RAPGEF2: variants seen among roughly 807,000 people sequenced by gnomAD.
The protein encoded by RAPGEF2 is PDZ domain containing guanine nucleotide exchange factor (GEF) 1.
Under a neutral mutation model 186.7 loss-of-function variants are expected in RAPGEF2, and 54 were observed. That is an observed-to-expected ratio of 0.29 (90% confidence interval 0.23 to 0.36). RAPGEF2 has a LOEUF of 0.36. RAPGEF2 is among the 10% of genes least tolerant of loss of function. The pLI is 1.00. For synonymous variants in RAPGEF2, 712 were observed against 705.9 expected (o/e 1.01, Z -0.14); for missense variants, 1,532 against 2,045.0 (o/e 0.75, Z 4.84).
intron 2 of RAPGEF2, among the ~76,000 whole-genome samples, chr4:159,188,070 A>G (rs575688165): frequency 3.3e-5 from 5 of 151,044 alleles, no homozygotes; most frequent in African/African-American, 1.2e-4. Flanking sequence ...ATTTTAGAAG[A>G]TGGCTCAAAT....
chr4:159,220,770 C>T (rs532674626), intron 4 of RAPGEF2, among the ~76,000 whole-genome samples: 1 of 152,280 alleles, frequency 6.6e-6, no homozygotes, highest in Non-Finnish European at 1.5e-5. Flanking sequence ...CTCTATTATT[C>T]ATCTTTGCTT....
chr4:159,238,145 A>G (rs1034787111), intron 4 of RAPGEF2, among the ~76,000 whole-genome samples: 2 of 152,230 alleles, frequency 1.3e-5, no homozygotes, highest in Admixed American at 1.3e-4. Context: ...GTCAGAAACA[A>G]TACATCTTCA....
At chr4:159,184,700 T>C (rs1463493093) in intron 1 of RAPGEF2, among the ~76,000 whole-genome samples, 3 of 152,214 alleles carry the variant, frequency 2.0e-5, no homozygotes, top group South Asian at 4.1e-4. Flanking sequence ...GTTGCCTATT[T>C]ACTCTGATGG....
intron 1 of RAPGEF2, among the ~76,000 whole-genome samples, chr4:159,177,163 A>G (rs1401588384): frequency 6.6e-6 from 1 of 152,096 alleles, no homozygotes; most frequent in African/African-American, 2.4e-5. Flanking sequence ...ATCTGGATTT[A>G]TAAAACAGAC....
chr4:159,132,101 T>A (rs1319886866), intron 1 of RAPGEF2, among the ~76,000 whole-genome samples: 1 of 152,226 alleles, frequency 6.6e-6, no homozygotes, highest in African/African-American at 2.4e-5. Context: ...AACTTTGTTA[T>A]TGGACCACAC....
chr4:159,216,311 T>C (rs1380840472), intron 4 of RAPGEF2, among the ~76,000 whole-genome samples: 1 of 152,126 alleles, frequency 6.6e-6, no homozygotes, highest in Non-Finnish European at 1.5e-5. Context: ...AGTTGTACGG[T>C]GTAAATTGAC....
chr4:159,134,823 C>A (rs529167703), intron 1 of RAPGEF2, among the ~76,000 whole-genome samples: 4 of 152,204 alleles, frequency 2.6e-5, no homozygotes, highest in Non-Finnish European at 1.5e-5. Context: ...AACTTTAGGA[C>A]ATTTTATCAA....
At chr4:159,123,684 A>G (rs1180977839) in intron 1 of RAPGEF2, among the ~76,000 whole-genome samples, 1 of 151,088 alleles carries the variant, frequency 6.6e-6, no homozygotes, top group Non-Finnish European at 1.5e-5. Context: ...GCGCCCGGCT[A>G]ATTTTTTGTG....
rs777726022 is a variant in RAPGEF2, at chr4:159,106,150, A to C, written c.69+1919A>C. ...GGGCCAGCTACTACTAACCCACGAC[A>C]TGAAAGCTTTATTGACAGTCGGAAG... is the stretch of plus-strand genomic sequence containing the variant. On this transcript the variant is annotated intron_variant, in intron 1 of 29. Transcript: ENST00000691494. Among the ~76,000 whole-genome samples, 3 of 152,264 alleles carry C rather than the reference A, an allele frequency of 2.0e-5. No individual in the cohort carries two copies. The East Asian group carries it at 5.8e-4, about 29-fold the overall frequency.
At chr4:159,145,620 G>A (rs182264341) in intron 1 of RAPGEF2, among the ~76,000 whole-genome samples, 182 of 152,230 alleles carry the variant, frequency 1.2e-3, no homozygotes, top group African/African-American at 4.1e-3. Context: ...AAATCCTGAC[G>A]TATGTTCACC....
chr4:159,344,508 C>G (rs933952626), intron 23 of RAPGEF2, among the ~76,000 whole-genome samples: 1 of 152,108 alleles, frequency 6.6e-6, no homozygotes, highest in African/African-American at 2.4e-5. Context: ...TACAGCTCAA[C>G]TAACTACTAT....
chr4:159,304,219 T>C, intron 7 of RAPGEF2, 123 bp from the exon 8 acceptor site: 1 of 903,554 alleles, frequency 1.1e-6, no homozygotes, highest in South Asian at 2.3e-5. Flanking sequence ...TTTGTGAATG[T>C]GGAAAATGAA....
At chr4:159,274,293 AAGTAACATTACTGTCATGTCTGT>A (rs1561190139) in intron 7 of RAPGEF2, among the ~76,000 whole-genome samples, 1 of 152,194 alleles carries the variant, frequency 6.6e-6, no homozygotes, top group Non-Finnish European at 1.5e-5. Context: ...ATTTTTAAAA[AAGTAACATTACTGTCATGTCTGT>A]AGTGATCTTT....
rs201948641 is a variant in RAPGEF2 at position 159,329,920 on chromosome 4, A to G, written c.1212A>G (p.Gln404=). ...TCAATCAAGTAGAAAAGAACATGCA[A>G]AAAGTTGAAGAGGAAGGAGAGATTG... The part of the protein sequence containing the change: ...RILNQVEKNM[Q]KVEEEGEIVM... Residue 404 remains glutamine (Q), a synonymous_variant, in exon 12 of 30, where the codon CAA becomes CAG. Coordinates refer to ENST00000691494, the MANE Select transcript of RAPGEF2 (RefSeq NM_001394067.2). The G allele has an allele frequency of 1.1e-5, 17 of 1,613,652 alleles. No homozygotes were observed. Among genetic ancestry groups the G allele is most frequent in the Non-Finnish European group, 1.4e-5 (17 of 1,179,662 alleles).
chr4:159,199,285 T>C (rs1190290675), intron 3 of RAPGEF2, among the ~76,000 whole-genome samples: 1 of 152,176 alleles, frequency 6.6e-6, no homozygotes, highest in East Asian at 1.9e-4. Context: ...TTGACAATGA[T>C]ATTTTTATAT....
intron 1 of RAPGEF2, among the ~76,000 whole-genome samples, chr4:159,125,418 G>GT (rs1740176813): frequency 6.6e-6 from 1 of 152,054 alleles, no homozygotes; most frequent in South Asian, 2.1e-4. Context: ...GTGCTATGGA[G>GT]TTTTTTTGAG....
At chr4:159,220,045 A>G (rs1179798168) in intron 4 of RAPGEF2, among the ~76,000 whole-genome samples, 12 of 152,212 alleles carry the variant, frequency 7.9e-5, no homozygotes, top group Non-Finnish European at 4.4e-5. Flanking sequence ...AATGAGAGAC[A>G]TAACCTTTGG....
intron 3 of RAPGEF2, among the ~76,000 whole-genome samples, chr4:159,195,674 ACCCTTTTCATG>A (rs1748561521): frequency 6.6e-6 from 1 of 151,852 alleles, no homozygotes; most frequent in African/African-American, 2.4e-5. Flanking sequence ...GCATTTTCTG[ACCCTTTTCATG>A]CCTTGTCACC....
At chr4:159,123,628 C>T (rs1398659189) in intron 1 of RAPGEF2, among the ~76,000 whole-genome samples, 1 of 148,872 alleles carries the variant, frequency 6.7e-6, no homozygotes, top group Admixed American at 6.7e-5. Flanking sequence ...ACGCCATTCT[C>T]CTACCTCAGC....
Sources: gnomAD v4.1 joint callset for allele counts (sites outside exome capture counted in the v4.1 genomes callset) on GRCh38, gnomAD v4.1.1 for gene constraint, MANE v1.5 for transcripts, NCBI Gene and HGNC (gene_info 2026-07-23, HGNC 2026-07-21) for gene names.